Variants in OTULINL observed in about 807,000 individuals in gnomAD.
The protein encoded by OTULINL is inactive ubiquitin thioesterase OTULINL.
Under a neutral mutation model 43.9 loss-of-function variants are expected in OTULINL, and 42 were observed. The observed-to-expected ratio is 0.96, with a 90% CI of 0.75 to 1.24. The LOEUF is 1.24. OTULINL is among the 50% of genes most tolerant of loss of function. The pLI, the probability that OTULINL is intolerant of heterozygous loss-of-function variation, is 0.00. For synonymous variants in OTULINL, 172 were observed against 153.6 expected, an observed-to-expected ratio of 1.12 and a Z score of -0.88; for missense variants, 411 against 426.4, an observed-to-expected ratio of 0.96 and a Z score of 0.32.
At chr5:14,603,923 T>G (rs1759430351) in intron 5 of OTULINL, among the ~76,000 whole-genome samples, 1 of 152,228 alleles carries the variant, frequency 6.6e-6, no homozygotes, top group Non-Finnish European at 1.5e-5. Flanking sequence ...TGTTCAATTT[T>G]CTTAATATCT....
intron 1 of OTULINL, among the ~76,000 whole-genome samples, chr5:14,584,994 T>A (rs1368815284): frequency 1.3e-5 from 2 of 152,106 alleles, no homozygotes; most frequent in East Asian, 3.9e-4. Context: ...AACCCAGTGA[T>A]TGGTCGGGTG....
At chr5:14,604,617 G>A (rs2126782909) in intron 5 of OTULINL, among the ~76,000 whole-genome samples, 1 of 152,322 alleles carries the variant, frequency 6.6e-6, no homozygotes, top group Non-Finnish European at 1.5e-5. Flanking sequence ...GTAATCAAAA[G>A]CAGTTTAGTT....
chr5:14,599,098 A>C (rs1759341320), intron 1 of OTULINL, among the ~76,000 whole-genome samples: 1 of 152,266 alleles, frequency 6.6e-6, no homozygotes. Context: ...GTAAGAATAA[A>C]TATATAATGA....
Position 14,608,740 on chromosome 5 carries a change from G to A in OTULINL, c.628-8G>A, listed in dbSNP as rs142880301. The A allele has an allele frequency of 3.8e-6, 6 of 1,592,860 alleles. No homozygotes were observed. In the African/African-American group the frequency reaches 8.1e-5, roughly 21 times the overall value. ...CCTTCTGAATTTCACTTTTACATCT[G>A]TTTTTAGTGGACTGAATTTAATGGC... On this transcript the variant is annotated splice_polypyrimidine_tract_variant and splice_region_variant and intron_variant, in intron 6 of 7. Coordinates refer to ENST00000274217, the MANE Select transcript of OTULINL (RefSeq NM_019018.3).
rs1759666612 is a variant in OTULINL at position 14,615,991 on chromosome 5, C to CT, written c.*5682dup. ...TTTGAAACATCATTGTAAAACAGTG[C>CT]TTTTTAAACTATCCATGGTAAAGGA... On this transcript the variant is annotated 3_prime_UTR_variant, in exon 8 of 8. Coordinates refer to ENST00000274217, the MANE Select transcript of OTULINL (RefSeq NM_019018.3). Among the ~76,000 whole-genome samples, 1 of 152,178 alleles carries CT rather than the reference C, an allele frequency of 6.6e-6. No individual in the cohort carries two copies. The highest frequency in any genetic ancestry group is 2.4e-5 in the African/African-American group (1 of 41,446).
chr5:14,608,387 T>C (rs1759516636), intron 6 of OTULINL, among the ~76,000 whole-genome samples: 2 of 152,214 alleles, frequency 1.3e-5, no homozygotes, highest in Non-Finnish European at 2.9e-5. Flanking sequence ...TCTTGGTGTG[T>C]CTTCACATAG....
intron 6 of OTULINL, among the ~76,000 whole-genome samples, chr5:14,608,074 G>A (rs1180757816): frequency 6.6e-6 from 1 of 152,202 alleles, no homozygotes; most frequent in African/African-American, 2.4e-5. Flanking sequence ...AAGCACACTA[G>A]CACTATTCTG....
chr5:14,582,146 AC>A (rs1277888904), intron 1 of OTULINL, among the ~76,000 whole-genome samples, 188 bp downstream of exon 1: 2 of 151,114 alleles, frequency 1.3e-5, no homozygotes, highest in South Asian at 4.2e-4. Context: ...GCGGGGCTGC[AC>A]CCCCACTCGG....
intron 1 of OTULINL, 50 bp downstream of exon 1, chr5:14,582,008 T>A: frequency 8.4e-7 from 1 of 1,191,564 alleles, no homozygotes; most frequent in Non-Finnish European, 1.0e-6. Context: ...GCAGGGACCG[T>A]CAAGGCGGGC....
chr5:14,582,367 C>G (rs1218927413), intron 1 of OTULINL, among the ~76,000 whole-genome samples: 1 of 152,078 alleles, frequency 6.6e-6, no homozygotes, highest in Non-Finnish European at 1.5e-5. Context: ...CCGCGGGGCC[C>G]CGTGTCCTCT....
At chr5:14,586,333 T>A (rs1476034638) in intron 1 of OTULINL, among the ~76,000 whole-genome samples, 1 of 152,216 alleles carries the variant, frequency 6.6e-6, no homozygotes, top group African/African-American at 2.4e-5. Flanking sequence ...TAATAGTCCA[T>A]TTTTCTACTT....
chr5:14,616,024 TA>T lies in OTULINL; in HGVS notation c.*5715del, dbSNP rs1187393458. On this transcript the variant is annotated 3_prime_UTR_variant, in exon 8 of 8. Transcript: ENST00000274217. Reference sequence around the variant, plus strand: ...ACTATCCATGGTAAAGGATGAGTTTTAAAAATTCTAATCCTTTGCAGGTTGG... The same window carrying T: ...ACTATCCATGGTAAAGGATGAGTTTTAAAATTCTAATCCTTTGCAGGTTGG... Among the ~76,000 whole-genome samples, 1 of 152,256 alleles carries T rather than the reference TA, an allele frequency of 6.6e-6. No homozygotes were observed. The highest frequency in any genetic ancestry group is 2.4e-5 in the African/African-American group (1 of 41,466).
rs1164274436 is a variant in OTULINL, at chr5:14,615,442, T to A, written c.*5128T>A. On this transcript the variant is annotated 3_prime_UTR_variant, in exon 8 of 8. Coordinates refer to ENST00000274217, the MANE Select transcript of OTULINL (RefSeq NM_019018.3). The stretch of plus-strand genomic sequence containing the variant: ...CCAGGGCAAGGTGAGGAGAAGCAGC[T>A]GGTACAGACTGATGACGAAGGAGAG... 6.6e-6 allele frequency among the ~76,000 whole-genome samples: 1 copy of A among 152,168 alleles called. No homozygotes were observed. Among genetic ancestry groups the A allele is most frequent in the Admixed American group, 6.5e-5 (1 of 15,286 alleles).
In OTULINL at chr5:14,613,325, T is replaced by C. The variant is rs533830527; in HGVS notation, c.*3011T>C. Reference sequence around the variant, plus strand: ...TTTTTAAAATCTCCAAGACTGACTTTTTTTCAAAGCAGGCAACTTTAATTC... The same window carrying C: ...TTTTTAAAATCTCCAAGACTGACTTCTTTTCAAAGCAGGCAACTTTAATTC... On this transcript the variant is annotated 3_prime_UTR_variant, in exon 8 of 8. Coordinates refer to ENST00000274217, the MANE Select transcript of OTULINL (RefSeq NM_019018.3). Among the ~76,000 whole-genome samples the C allele has an allele frequency of 6.6e-6, 1 of 152,322 alleles. No homozygotes were observed. The highest frequency in any genetic ancestry group is 2.4e-5 in the African/African-American group (1 of 41,572).
In OTULINL at chr5:14,610,288, C is replaced by A. The variant is rs199613650; in HGVS notation, c.1045C>A (p.Arg349Ser). Reference sequence around the variant, plus strand: ...GATCTCCCTGCTGACCGAGAACGACCGCCACTACCACATTCCAGTCTTTTA... The same window carrying A: ...GATCTCCCTGCTGACCGAGAACGACAGCCACTACCACATTCCAGTCTTTTA... ...PEISLLTEND[R>S]HYHIPVF The change falls in exon 8 of 8, where the codon CGC becomes AGC. Residue 349 changes from arginine to serine, a missense_variant. Transcript: ENST00000274217. 1 of 1,613,024 alleles carries A rather than the reference C, an allele frequency of 6.2e-7. No individual in the cohort carries two copies. Among genetic ancestry groups the A allele is most frequent in the Non-Finnish European group, 8.5e-7 (1 of 1,180,012 alleles).
Position 14,610,299 on chromosome 5 carries a change from C to G in OTULINL, c.1056C>G (p.His352Gln), listed in dbSNP as rs1759559014. Residue 352 changes from histidine (H) to glutamine (Q), a missense_variant, in exon 8 of 8, where the codon CAC (histidine) becomes CAG (glutamine). Coordinates refer to ENST00000274217, the MANE Select transcript of OTULINL (RefSeq NM_019018.3). ...TGACCGAGAACGACCGCCACTACCA[C>G]ATTCCAGTCTTTTAAGTCCGCTGGG... Reference protein sequence around the residue: ...SLLTENDRHYHIPVF With the variant: ...SLLTENDRHYQIPVF The G allele has an allele frequency of 6.2e-7, 1 of 1,612,876 alleles. No homozygotes were observed. Among genetic ancestry groups the G allele is most frequent in the African/African-American group, 1.3e-5 (1 of 74,892 alleles).
chr5:14,607,230 G>GA (rs552507764), intron 5 of OTULINL, 100 bp from the exon 6 acceptor site: 89,149 of 1,005,632 alleles, frequency 0.089, 95 homozygotes, highest in South Asian at 0.1. Flanking sequence ...ATTCCATCTC[G>GA]AAAAAAAAAA....
chr5:14,589,647 C>T (rs57566301), intron 1 of OTULINL, among the ~76,000 whole-genome samples: 1,769 of 152,262 alleles, frequency 0.012, 29 homozygotes, highest in African/African-American at 0.041. Context: ...AGGTTCCTTT[C>T]TTTATTAATT....
At chr5:14,583,018 A>G (rs1252563440) in intron 1 of OTULINL, among the ~76,000 whole-genome samples, 1 of 152,026 alleles carries the variant, frequency 6.6e-6, no homozygotes, top group Admixed American at 6.6e-5. Flanking sequence ...GGAGCCCACT[A>G]GTGGATTTTG....
Sources: gnomAD v4.1 joint callset for allele counts (sites outside exome capture counted in the v4.1 genomes callset) on GRCh38, gnomAD v4.1.1 for gene constraint, MANE v1.5 for transcripts, NCBI Gene and HGNC (gene_info 2026-07-23, HGNC 2026-07-21) for gene names.